The following FRMD4A variants were observed in gnomAD, a reference collection of about 807,000 sequenced individuals.
The protein encoded by FRMD4A is FERM domain containing 4A, also known as FERM domain-containing protein 4A.
A neutral mutation model predicts 129.1 loss-of-function variants in FRMD4A; 29 were observed. That is an observed-to-expected ratio of 0.22 (90% confidence interval 0.17 to 0.31). FRMD4A has a LOEUF of 0.31. Ranked by LOEUF, FRMD4A falls within the 10% of genes least tolerant of loss-of-function variation. FRMD4A has a pLI of 1.00. For missense variants in FRMD4A, 1,272 were observed against 1,375.8 expected (o/e 0.92, Z 1.19); for synonymous variants, 634 against 571.6 (o/e 1.11, Z -1.56).
At chr10:13,830,557 C>T (rs2093774039) in intron 3 of FRMD4A, among the ~76,000 whole-genome samples, 1 of 152,214 alleles carries the variant, frequency 6.6e-6, no homozygotes, top group Non-Finnish European at 1.5e-5. Context: ...AGCCCACTTC[C>T]AGTGGCTCCC....
intron 2 of FRMD4A, among the ~76,000 whole-genome samples, chr10:14,147,964 T>C (rs1162887781): frequency 3.9e-5 from 6 of 152,226 alleles, no homozygotes; most frequent in Non-Finnish European, 1.5e-5. Flanking sequence ...GAGTAGATTA[T>C]ATAAACAATT....
intron 2 of FRMD4A, among the ~76,000 whole-genome samples, chr10:14,248,120 A>C (rs1336734901): frequency 6.6e-6 from 1 of 152,150 alleles, no homozygotes; most frequent in East Asian, 1.9e-4. Context: ...TTAATTGAGC[A>C]CCTGCTGTAT....
chr10:14,002,345 G>T (rs2095645588), intron 2 of FRMD4A, among the ~76,000 whole-genome samples: 1 of 152,190 alleles, frequency 6.6e-6, no homozygotes, highest in Admixed American at 6.5e-5. Context: ...AAGATGTACA[G>T]CATGGTCTTA....
chr10:13,994,074 A>C (rs2095613694), intron 2 of FRMD4A, among the ~76,000 whole-genome samples: 1 of 144,470 alleles, frequency 6.9e-6, no homozygotes, highest in African/African-American at 2.6e-5. Context: ...CAGTGATGCG[A>C]TCTTGGCTCA....
chr10:14,039,380 A>ATCCT (rs1833661337), intron 2 of FRMD4A, among the ~76,000 whole-genome samples: 1 of 112,496 alleles, frequency 8.9e-6, no homozygotes, highest in East Asian at 2.1e-4. Flanking sequence ...CCATCCATCC[A>ATCCT]TCCATCCATC....
At chr10:14,092,400 A>C (rs1836711344) in intron 2 of FRMD4A, among the ~76,000 whole-genome samples, 1 of 152,238 alleles carries the variant, frequency 6.6e-6, no homozygotes, top group Non-Finnish European at 1.5e-5. Context: ...TGGTTGCAAC[A>C]GGACTGGGCC....
At chr10:13,893,882 A>G (rs754631058) in intron 2 of FRMD4A, among the ~76,000 whole-genome samples, 18 of 152,078 alleles carry the variant, frequency 1.2e-4, no homozygotes, top group Non-Finnish European at 2.2e-4. Flanking sequence ...CCACATCTAC[A>G]CCTCCTGCTT....
intron 2 of FRMD4A, among the ~76,000 whole-genome samples, chr10:13,914,061 C>T (rs1461618236): frequency 6.6e-6 from 1 of 152,122 alleles, no homozygotes; most frequent in Non-Finnish European, 1.5e-5. Context: ...AGGTCAAAGC[C>T]CTGGGCAGTC....
chr10:13,900,618 C>T (rs370873555), intron 2 of FRMD4A, among the ~76,000 whole-genome samples: 26 of 152,058 alleles, frequency 1.7e-4, no homozygotes, highest in African/African-American at 6.0e-4. Context: ...AAAATAGGGC[C>T]GGGCATGGTG....
At chr10:14,217,939 T>A (rs907910294) in intron 2 of FRMD4A, among the ~76,000 whole-genome samples, 1 of 152,066 alleles carries the variant, frequency 6.6e-6, no homozygotes, top group African/African-American at 2.4e-5. Context: ...CAAGTGATCC[T>A]CCTGCCTCAG....
chr10:13,783,384 T>C (rs2092781780), intron 5 of FRMD4A, among the ~76,000 whole-genome samples: 2 of 152,148 alleles, frequency 1.3e-5, no homozygotes, highest in South Asian at 4.2e-4. Context: ...GATTTTCTTT[T>C]CTTCTCCTTT....
chr10:14,053,587 C>T (rs1397035716), intron 2 of FRMD4A, among the ~76,000 whole-genome samples: 2 of 152,142 alleles, frequency 1.3e-5, no homozygotes, highest in African/African-American at 4.8e-5. Flanking sequence ...TGGTAAGTGC[C>T]TCACTTTACT....
chr10:14,029,709 GTT>G (rs1010679244), intron 2 of FRMD4A, among the ~76,000 whole-genome samples: 21 of 151,310 alleles, frequency 1.4e-4, no homozygotes, highest in Admixed American at 5.9e-4. Flanking sequence ...CTAAGTAGAA[GTT>G]TAATCCAATT....
At chr10:14,095,930 G>A (rs1289984135) in intron 2 of FRMD4A, among the ~76,000 whole-genome samples, 4 of 152,160 alleles carry the variant, frequency 2.6e-5, no homozygotes, top group Admixed American at 6.5e-5. Context: ...GACATAAGGA[G>A]CGCAAGTGGA....
At chr10:13,934,651 C>T (rs2095233394) in intron 2 of FRMD4A, among the ~76,000 whole-genome samples, 1 of 152,144 alleles carries the variant, frequency 6.6e-6, no homozygotes, top group Non-Finnish European at 1.5e-5. Flanking sequence ...TCCTTTTGCT[C>T]TCGATCTCTT....
At position 14,115,743 on chromosome 10, in the gene FRMD4A, A is replaced by G. The variant is rs140354046; in HGVS notation, c.45+214315T>C. 1.1e-3 allele frequency among the ~76,000 whole-genome samples: 160 copies of G among 152,222 alleles called. 1 individual carries two copies. Among genetic ancestry groups the G allele is most frequent in the Non-Finnish European group, 1.9e-3 (132 of 68,010 alleles). On this transcript the variant is annotated intron_variant, in intron 2 of 24. Transcript: ENST00000357447. ...CATGTGACATCCCTGCCCCCTCTCC[A>G]TCTTCCACCATGATTGGAAGCTTCC... is the stretch of plus-strand genomic sequence containing the variant.
intron 2 of FRMD4A, among the ~76,000 whole-genome samples, chr10:14,138,532 G>A (rs1199577119): frequency 2.0e-5 from 3 of 151,930 alleles, no homozygotes; most frequent in Non-Finnish European, 4.4e-5. Flanking sequence ...AGGCTGATGA[G>A]GGCAGATCAT....
chr10:13,758,547 C>T (rs952899262), intron 8 of FRMD4A, among the ~76,000 whole-genome samples: 5 of 152,198 alleles, frequency 3.3e-5, no homozygotes, highest in Non-Finnish European at 5.9e-5. Flanking sequence ...CTTGCCCGGG[C>T]GTGCCTGCAA....
intron 2 of FRMD4A, among the ~76,000 whole-genome samples, chr10:14,190,047 C>G (rs1434465328): frequency 1.3e-5 from 2 of 152,204 alleles, no homozygotes; most frequent in African/African-American, 4.8e-5. Context: ...ACACGTACAC[C>G]ACTTTCCAAA....
Sources: gnomAD v4.1 joint callset for allele counts (sites outside exome capture counted in the v4.1 genomes callset) on GRCh38, gnomAD v4.1.1 for gene constraint, MANE v1.5 for transcripts, NCBI Gene and HGNC (gene_info 2026-07-23, HGNC 2026-07-21) for gene names.